PDGFRL: variants seen among roughly 807,000 people sequenced by gnomAD.
The protein encoded by PDGFRL is platelet derived growth factor receptor like, also known as platelet-derived growth factor receptor-like protein.
In PDGFRL, 46 loss-of-function variants were observed where a neutral mutation model predicts 37.2. That is an observed-to-expected ratio of 1.24 (90% CI 0.98 to 1.58). The LOEUF (loss-of-function observed/expected upper bound fraction) is 1.58. Among genes scored for constraint, PDGFRL ranks in the 40% most tolerant of loss-of-function variants. PDGFRL has a pLI of 0.00. For missense variants in PDGFRL, 692 were observed against 467.6 expected, an observed-to-expected ratio of 1.48 and a Z score of -4.43; for synonymous variants, 251 against 184.3, an observed-to-expected ratio of 1.36 and a Z score of -2.93.
In PDGFRL at chr8:17,600,034, C is replaced by T. The variant is rs143348539; in HGVS notation, c.353+10269C>T. On this transcript the variant is annotated intron_variant, in intron 2 of 5. Coordinates refer to ENST00000251630, the MANE Select transcript of PDGFRL (RefSeq NM_001372073.1). Reference sequence around the variant, plus strand: ...AAGAAATTCTGCCTTGACCCCCATGCACCCTGCAGCCATCTTCCTCTCTGA... The same window carrying T: ...AAGAAATTCTGCCTTGACCCCCATGTACCCTGCAGCCATCTTCCTCTCTGA... Among the ~76,000 whole-genome samples the T allele has an allele frequency of 1.9e-3, 287 of 152,318 alleles. 1 individual carries two copies. The highest frequency in any genetic ancestry group is 3.2e-3 in the Non-Finnish European group (219 of 68,026).
At chr8:17,638,761 AT>A (rs1805027990) in intron 5 of PDGFRL, among the ~76,000 whole-genome samples, 17 of 113,004 alleles carry the variant, frequency 1.5e-4, no homozygotes, top group East Asian at 8.6e-4. Context: ...ATATATATAT[AT>A]ATATATATAT....
intron 2 of PDGFRL, among the ~76,000 whole-genome samples, chr8:17,590,365 G>C (rs921765968): frequency 6.6e-6 from 1 of 151,798 alleles, no homozygotes; most frequent in African/African-American, 2.4e-5. Context: ...GAATTTTATG[G>C]GAAACCAAAA....
At chr8:17,605,778 T>C (rs559404996) in intron 2 of PDGFRL, among the ~76,000 whole-genome samples, 1 of 152,362 alleles carries the variant, frequency 6.6e-6, no homozygotes, top group East Asian at 1.9e-4. Flanking sequence ...GATGTTTTTC[T>C]GGTATCTGGT....
chr8:17,598,643 G>A (rs532369452), intron 2 of PDGFRL, among the ~76,000 whole-genome samples: 4 of 152,312 alleles, frequency 2.6e-5, no homozygotes, highest in East Asian at 1.9e-4. Context: ...CTATGGTGCT[G>A]TGTCACCTGG....
rs185974508 is a variant in PDGFRL at position 17,627,723 on chromosome 8, G to A, written c.506-764G>A. 3.3e-3 allele frequency among the ~76,000 whole-genome samples: 499 copies of A among 151,586 alleles called. 6 individuals are homozygous for A. Among genetic ancestry groups the A allele is most frequent in the Non-Finnish European group, 2.4e-3 (165 of 67,920 alleles). On this transcript the variant is annotated intron_variant, in intron 3 of 5. Coordinates refer to ENST00000251630, the MANE Select transcript of PDGFRL (RefSeq NM_001372073.1). ...ACTCCTGAGCTCAGGAGATCCACCC[G>A]CCTCGGCCTCCCAAAGTGCTAGGAT...
At chr8:17,618,230 A>AT (rs1311989910) in intron 2 of PDGFRL, among the ~76,000 whole-genome samples, 1 of 151,924 alleles carries the variant, frequency 6.6e-6, no homozygotes, top group East Asian at 1.9e-4. Flanking sequence ...CTAATGTTTA[A>AT]TTTTTTGTAG....
At chr8:17,577,140 C>T, upstream of PDGFRL, 2 of 1,491,766 alleles carry the variant, frequency 1.3e-6, no homozygotes, top group Non-Finnish European at 1.8e-6. Context: ...CTGAAGAAAC[C>T]GAATCCTCCC....
intron 3 of PDGFRL, among the ~76,000 whole-genome samples, chr8:17,626,098 T>C (rs371337946): frequency 6.6e-6 from 1 of 152,270 alleles, no homozygotes; most frequent in Non-Finnish European, 1.5e-5. Context: ...CTACACACTT[T>C]TAAAACAAAA....
At chr8:17,606,983 C>T (rs1393452099) in intron 2 of PDGFRL, among the ~76,000 whole-genome samples, 5 of 150,790 alleles carry the variant, frequency 3.3e-5, no homozygotes, top group South Asian at 2.1e-4. Flanking sequence ...GCAACCTCCA[C>T]CTCCCAGGTT....
intron 5 of PDGFRL, among the ~76,000 whole-genome samples, chr8:17,636,940 C>T (rs546414112): frequency 5.3e-5 from 8 of 152,232 alleles, no homozygotes; most frequent in Middle Eastern, 3.4e-3. Flanking sequence ...TATAGCAGAG[C>T]TACTGATTTG....
chr8:17,577,708 C>G (rs985242534), intron 1 of PDGFRL, among the ~76,000 whole-genome samples: 1 of 151,642 alleles, frequency 6.6e-6, no homozygotes, highest in African/African-American at 2.4e-5. Flanking sequence ...CTGCTGAGAG[C>G]GAGTGCCACC....
chr8:17,576,796 G>T (rs1205111188), upstream of PDGFRL: 30 of 559,676 alleles, frequency 5.4e-5, no homozygotes, highest in Non-Finnish European at 3.0e-5. Flanking sequence ...GGAATGAACA[G>T]AAATAATTTA....
At chr8:17,582,644 G>C (rs541804313) in intron 1 of PDGFRL, among the ~76,000 whole-genome samples, 12 of 151,908 alleles carry the variant, frequency 7.9e-5, no homozygotes, top group African/African-American at 2.9e-4. Context: ...ATGACCTAAA[G>C]GTAGAATTTA....
At chr8:17,608,399 T>G (rs1192306933) in intron 2 of PDGFRL, among the ~76,000 whole-genome samples, 2 of 152,220 alleles carry the variant, frequency 1.3e-5, no homozygotes, top group South Asian at 4.1e-4. Flanking sequence ...TCAACCAACA[T>G]TGATACAAGT....
At chr8:17,619,979 T>C (rs1804599448) in intron 2 of PDGFRL, among the ~76,000 whole-genome samples, 1 of 152,164 alleles carries the variant, frequency 6.6e-6, no homozygotes, top group Non-Finnish European at 1.5e-5. Context: ...CTTTATTTTT[T>C]AGAGACAGGG....
At chr8:17,616,192 ATTTAT>A (rs1804522998) in intron 2 of PDGFRL, among the ~76,000 whole-genome samples, 1 of 150,486 alleles carries the variant, frequency 6.6e-6, no homozygotes. Flanking sequence ...TTATTTATTT[ATTTAT>A]TTATTTATTT....
At chr8:17,590,720 A>T (rs1307962084) in intron 2 of PDGFRL, among the ~76,000 whole-genome samples, 2 of 151,416 alleles carry the variant, frequency 1.3e-5, no homozygotes, top group Non-Finnish European at 2.9e-5. Flanking sequence ...TCAAAAAAAT[A>T]AAAAAAAATC....
chr8:17,641,636 C>T (rs1392176127), intron 5 of PDGFRL, among the ~76,000 whole-genome samples: 2 of 152,188 alleles, frequency 1.3e-5, no homozygotes, highest in Non-Finnish European at 2.9e-5. Flanking sequence ...AAAGCAATTG[C>T]AGCGTATTTA....
chr8:17,638,770 TA>T (rs1805029327), intron 5 of PDGFRL, among the ~76,000 whole-genome samples: 1 of 118,268 alleles, frequency 8.5e-6, no homozygotes, highest in African/African-American at 3.7e-5. Context: ...TATATATATA[TA>T]TATATATATA....
Sources: gnomAD v4.1 joint callset for allele counts (sites outside exome capture counted in the v4.1 genomes callset) on GRCh38, gnomAD v4.1.1 for gene constraint, MANE v1.5 for transcripts, NCBI Gene and HGNC (gene_info 2026-07-23, HGNC 2026-07-21) for gene names.